Variants in ZBBX observed in about 807,000 individuals in gnomAD.
ZBBX encodes the protein zinc finger B-box domain-containing protein 1.
A neutral mutation model predicts 108.5 loss-of-function variants in ZBBX; 101 were observed. That is an observed-to-expected ratio of 0.93 (90% CI 0.79 to 1.10). ZBBX has a LOEUF of 1.10. Among genes scored for constraint, ZBBX ranks in the 50% least tolerant of loss-of-function variants. The probability of loss-of-function intolerance (pLI) is 0.00; values close to 1 mark genes in which losing one functional copy is unlikely to be tolerated. For synonymous variants in ZBBX, 356 were observed against 323.4 expected (o/e 1.10, Z -1.08); for missense variants, 1,009 against 941.4 (o/e 1.07, Z -0.94).
upstream of ZBBX, among the ~76,000 whole-genome samples, chr3:167,384,173 A>G (rs1747830629): frequency 6.6e-6 from 1 of 152,082 alleles, no homozygotes; most frequent in African/African-American, 2.4e-5. Context: ...TGGCAATGTA[A>G]AAATAGAGCA....
At chr3:167,187,436 C>G in the ZBBX span, among the ~76,000 whole-genome samples, 2 of 152,108 alleles carry the variant, frequency 1.3e-5, no homozygotes, top group Non-Finnish European at 2.9e-5. Flanking sequence ...CAGATAATAG[C>G]GTGTGCATCA....
At chr3:167,198,981 T>G in the ZBBX span, among the ~76,000 whole-genome samples, 1 of 152,218 alleles carries the variant, frequency 6.6e-6, no homozygotes, top group African/African-American at 2.4e-5. Context: ...GTACATTTAC[T>G]TTGTTTTTGT....
the ZBBX span, among the ~76,000 whole-genome samples, chr3:167,191,916 T>G: frequency 0.071 from 7,294 of 103,238 alleles, 611 homozygotes; most frequent in African/African-American, 0.089. Context: ...TATATATATA[T>G]ATATATATAT....
chr3:167,271,619 T>G (rs1185735091), intron 20 of ZBBX, among the ~76,000 whole-genome samples: 1 of 152,140 alleles, frequency 6.6e-6, no homozygotes, highest in Admixed American at 6.5e-5. Flanking sequence ...TGTGACGTAG[T>G]TCTCAGAGTT....
chr3:167,320,243 CAAAAAAA>C (rs201604484), intron 12 of ZBBX, among the ~76,000 whole-genome samples: 3 of 98,344 alleles, frequency 3.1e-5, no homozygotes, highest in South Asian at 3.2e-4. Context: ...GCAAACTAAC[CAAAAAAA>C]AAAAAAAAAA....
chr3:167,317,620 T>G (rs530370604), intron 12 of ZBBX, 23 bp from the exon 13 acceptor site: 1 of 1,527,692 alleles, frequency 6.5e-7, no homozygotes, highest in Non-Finnish European at 9.0e-7. Context: ...AAAGAAGCAA[T>G]TAAGAGACTG....
chr3:167,337,876 T>C (rs1463063978), intron 9 of ZBBX, among the ~76,000 whole-genome samples: 1 of 152,120 alleles, frequency 6.6e-6, no homozygotes, highest in African/African-American at 2.4e-5. Context: ...GTACCATATA[T>C]TAATAAAATA....
At chr3:167,337,560 A>G (rs2108426266) in intron 9 of ZBBX, among the ~76,000 whole-genome samples, 2 of 152,254 alleles carry the variant, frequency 1.3e-5, no homozygotes, top group African/African-American at 4.8e-5. Flanking sequence ...CACTCAGATC[A>G]GTAGTCAATC....
At chr3:167,333,026 G>A (rs6791786) in intron 10 of ZBBX, among the ~76,000 whole-genome samples, 51,687 of 151,658 alleles carry the variant, frequency 0.34, 9,284 homozygotes, top group East Asian at 0.64. Context: ...ATTAGAAAGC[G>A]AAATCCACAC....
chr3:167,343,859 C>T (rs897547218), intron 9 of ZBBX, among the ~76,000 whole-genome samples: 17 of 151,866 alleles, frequency 1.1e-4, no homozygotes, highest in African/African-American at 3.6e-4. Context: ...CCAGCAATTC[C>T]ACCAGTAGGT....
intron 10 of ZBBX, among the ~76,000 whole-genome samples, chr3:167,333,235 G>T (rs1331750463): frequency 2.0e-5 from 3 of 151,960 alleles, no homozygotes; most frequent in Admixed American, 6.6e-5. Context: ...GCAGGGAAAA[G>T]GTGACTGGCA....
chr3:167,369,237 G>A (rs572782772), intron 4 of ZBBX, among the ~76,000 whole-genome samples: 2 of 152,284 alleles, frequency 1.3e-5, no homozygotes, highest in South Asian at 2.1e-4. Flanking sequence ...TTCTTTCATA[G>A]ATCTAACCCA....
chr3:167,231,851 T>C, the ZBBX span, among the ~76,000 whole-genome samples: 17 of 151,946 alleles, frequency 1.1e-4, no homozygotes, highest in African/African-American at 2.6e-4. Flanking sequence ...TGGAATTCCA[T>C]AAAGAAAATG....
chr3:167,302,799 A>T (rs1031944183), intron 17 of ZBBX, among the ~76,000 whole-genome samples: 1 of 152,204 alleles, frequency 6.6e-6, no homozygotes, highest in African/African-American at 2.4e-5. Context: ...TTCACAGGAC[A>T]TCATGAAGAG....
At chr3:167,238,090 G>A (rs924379676), downstream of ZBBX, among the ~76,000 whole-genome samples, 11 of 152,116 alleles carry the variant, frequency 7.2e-5, no homozygotes, top group Admixed American at 6.6e-4. Context: ...GGTAGAAAGA[G>A]TCATGAAACC....
chr3:167,247,353 G>T (rs753871267), intron 20 of ZBBX, among the ~76,000 whole-genome samples: 1 of 152,164 alleles, frequency 6.6e-6, no homozygotes, highest in African/African-American at 2.4e-5. Flanking sequence ...AGTCGGAGGA[G>T]AGCTGGGGCC....
the ZBBX span, among the ~76,000 whole-genome samples, chr3:167,225,854 G>T: frequency 1.3e-5 from 2 of 151,758 alleles, no homozygotes; most frequent in African/African-American, 4.8e-5. Context: ...TTTTGAGGTG[G>T]TTTATTACTA....
At chr3:167,275,448 G>A (rs1484948811) in intron 20 of ZBBX, among the ~76,000 whole-genome samples, 2 of 152,190 alleles carry the variant, frequency 1.3e-5, no homozygotes, top group African/African-American at 2.4e-5. Flanking sequence ...GAAGCAGGGC[G>A]AGGCATTGCC....
chr3:167,329,900 A>T (rs1194901458), intron 10 of ZBBX, among the ~76,000 whole-genome samples: 1 of 152,222 alleles, frequency 6.6e-6, no homozygotes, highest in African/African-American at 2.4e-5. Context: ...CAAGGAAACC[A>T]ATTAAAATGT....
Sources: allele counts gnomAD v4.1 joint callset (sites outside exome capture counted in the v4.1 genomes callset), GRCh38; gene constraint gnomAD v4.1.1; transcripts MANE v1.5; gene names NCBI Gene and HGNC (gene_info 2026-07-23, HGNC 2026-07-21).